CHCHD3: variants seen among roughly 807,000 people sequenced by gnomAD.
CHCHD3 encodes MICOS complex subunit MIC19.
A neutral mutation model predicts 38.2 loss-of-function variants in CHCHD3; 20 were observed. The ratio of observed to expected loss-of-function variants is 0.52; its 90% CI spans 0.37 to 0.76. The LOEUF (loss-of-function observed/expected upper bound fraction) is 0.76, where lower values mean the gene tolerates loss of function less well. Ranked by LOEUF, CHCHD3 falls within the 30% of genes least tolerant of loss-of-function variation. The pLI is 0.00. For missense variants in CHCHD3, 245 were observed against 279.2 expected, an observed-to-expected ratio of 0.88 and a Z score of 0.87; for synonymous variants, 82 against 100.0, an observed-to-expected ratio of 0.82 and a Z score of 1.07.
In CHCHD3 at chr7:132,807,343, A is replaced by T. The variant is rs190623337; in HGVS notation, c.525-10766T>A. 7.0e-4 allele frequency among the ~76,000 whole-genome samples: 107 copies of T among 152,214 alleles called. 1 individual carries two copies. The East Asian group carries it at 0.012, about 18-fold the overall frequency. Reference sequence around the variant, plus strand: ...CAGCATCTAATTTTACATATAAGGTAAGTATATCTAAGGCAGGAATATATT... The same window carrying T: ...CAGCATCTAATTTTACATATAAGGTTAGTATATCTAAGGCAGGAATATATT... On this transcript the variant is annotated intron_variant, in intron 6 of 7. Coordinates refer to ENST00000262570, the MANE Select transcript of CHCHD3 (RefSeq NM_017812.4).
rs770204054 is a variant in CHCHD3 at position 133,025,057 on chromosome 7, T to C, written c.170-430A>G. ...AATAATTAAACAACTAACAAAATCA[T>C]GTACTACAAAGAGCAAATCATTTAT... On this transcript the variant is annotated intron_variant, in intron 2 of 7. Coordinates refer to ENST00000262570, the MANE Select transcript of CHCHD3 (RefSeq NM_017812.4). Among the ~76,000 whole-genome samples, 108 of 152,322 alleles carry C rather than the reference T, an allele frequency of 7.1e-4. No individual in the cohort carries two copies. The Middle Eastern group carries it at 0.024, about 34-fold the overall frequency.
At chr7:133,006,187 C>T (rs1275590472) in intron 3 of CHCHD3, among the ~76,000 whole-genome samples, 3 of 152,048 alleles carry the variant, frequency 2.0e-5, no homozygotes, top group Non-Finnish European at 2.9e-5. Context: ...GAAAATAGGC[C>T]GGGCGCAGTG....
At chr7:132,899,223 G>A (rs1433279485) in intron 4 of CHCHD3, among the ~76,000 whole-genome samples, 1 of 152,180 alleles carries the variant, frequency 6.6e-6, no homozygotes, top group African/African-American at 2.4e-5. Context: ...GGGAAGGGTG[G>A]AGGAGAGAAG....
At chr7:132,978,795 T>C (rs1811841397) in intron 3 of CHCHD3, among the ~76,000 whole-genome samples, 1 of 152,192 alleles carries the variant, frequency 6.6e-6, no homozygotes, top group Non-Finnish European at 1.5e-5. Context: ...GACACCTGGA[T>C]TGAAAGAGGA....
At chr7:133,008,203 T>C (rs1349214808) in intron 3 of CHCHD3, among the ~76,000 whole-genome samples, 1 of 152,158 alleles carries the variant, frequency 6.6e-6, no homozygotes, top group African/African-American at 2.4e-5. Context: ...ATTTCTGTCT[T>C]TGAAATTACA....
At position 133,081,876 on chromosome 7, in the gene CHCHD3, G is replaced by A. The variant is rs904523539; in HGVS notation, c.62C>T (p.Thr21Ile). 5 of 1,556,262 alleles carry A rather than the reference G, an allele frequency of 3.2e-6. No homozygotes were observed. The African/African-American group carries it at 6.8e-5, about 21-fold the overall frequency. The change falls in exon 1 of 8, where the codon ACC becomes ATC. Residue 21 changes from threonine (T) to isoleucine (I), a missense_variant. Transcript: ENST00000262570. ...TFEADENENI[T>I]VVKGIRLSEN... ...ACTCACCCGGATGCCCTTCACCACG[G>A]TGATGTTCTCATTCTCGTCCGCCTC...
intron 6 of CHCHD3, among the ~76,000 whole-genome samples, chr7:132,805,086 G>A (rs1260563188): frequency 6.6e-6 from 1 of 152,244 alleles, no homozygotes; most frequent in African/African-American, 2.4e-5. Context: ...GTGGACATCA[G>A]AGCTGTGCCA....
chr7:133,014,148 T>C (rs1405528469), intron 3 of CHCHD3, among the ~76,000 whole-genome samples: 1 of 152,134 alleles, frequency 6.6e-6, no homozygotes, highest in Non-Finnish European at 1.5e-5. Flanking sequence ...GATTTTTGTT[T>C]TAATCTAAAT....
chr7:132,976,936 T>TA (rs374595094), intron 3 of CHCHD3, among the ~76,000 whole-genome samples: 194 of 150,612 alleles, frequency 1.3e-3, no homozygotes, highest in East Asian at 3.9e-3. Context: ...GTGTCTTAAA[T>TA]AAAAAAAAAG....
intron 6 of CHCHD3, among the ~76,000 whole-genome samples, chr7:132,834,653 T>TA (rs1164352958): frequency 6.6e-6 from 1 of 152,166 alleles, no homozygotes; most frequent in African/African-American, 2.4e-5. Context: ...AGGGCAATGA[T>TA]ACAGAAAATC....
chr7:132,922,524 C>T (rs1348444235), intron 4 of CHCHD3, among the ~76,000 whole-genome samples: 2 of 151,922 alleles, frequency 1.3e-5, no homozygotes, highest in Non-Finnish European at 2.9e-5. Flanking sequence ...TAAAAGAGGC[C>T]TCAATATTAT....
At chr7:132,787,003 G>A (rs1040004202) in intron 7 of CHCHD3, among the ~76,000 whole-genome samples, 1 of 152,182 alleles carries the variant, frequency 6.6e-6, no homozygotes, top group Non-Finnish European at 1.5e-5. Context: ...AGCAGGGAAG[G>A]CTTCTCCAAG....
intron 4 of CHCHD3, among the ~76,000 whole-genome samples, chr7:132,904,264 GAA>G (rs773936483): frequency 7.3e-6 from 1 of 136,562 alleles, no homozygotes. Context: ...TTTGTGTCTA[GAA>G]AAAAAAAAAA....
At chr7:132,879,818 G>A (rs554074736) in intron 5 of CHCHD3, among the ~76,000 whole-genome samples, 48 of 149,208 alleles carry the variant, frequency 3.2e-4, no homozygotes, top group African/African-American at 1.1e-3. Context: ...GTATGAGCAA[G>A]TGAATGAAGA....
chr7:132,869,034 C>A (rs914856298), intron 5 of CHCHD3, among the ~76,000 whole-genome samples: 3 of 152,128 alleles, frequency 2.0e-5, no homozygotes, highest in Admixed American at 1.3e-4. Flanking sequence ...AAATGCATCA[C>A]GAAAAAGCAA....
At chr7:132,840,677 T>C (rs1250410008) in intron 5 of CHCHD3, among the ~76,000 whole-genome samples, 3 of 152,146 alleles carry the variant, frequency 2.0e-5, no homozygotes, top group Non-Finnish European at 2.9e-5. Flanking sequence ...ACAGAGTACA[T>C]CAACATCTCA....
chr7:132,864,720 T>C (rs1019436201), intron 5 of CHCHD3, among the ~76,000 whole-genome samples: 1 of 152,168 alleles, frequency 6.6e-6, no homozygotes, highest in Non-Finnish European at 1.5e-5. Flanking sequence ...TGGATACTTG[T>C]TGAGGAACCA....
chr7:132,884,485 C>A (rs76917380), intron 5 of CHCHD3, among the ~76,000 whole-genome samples: 4,685 of 152,206 alleles, frequency 0.031, 260 homozygotes, highest in African/African-American at 0.11. Context: ...ATATCTGCTA[C>A]ATGAATGAGA....
At chr7:132,960,640 C>T (rs867977437) in intron 4 of CHCHD3, among the ~76,000 whole-genome samples, 13 of 152,042 alleles carry the variant, frequency 8.6e-5, no homozygotes, top group Admixed American at 2.0e-4. Context: ...AGAAAAACAA[C>T]GTCAGAAATT....
Sources: allele counts gnomAD v4.1 joint callset (sites outside exome capture counted in the v4.1 genomes callset), GRCh38; gene constraint gnomAD v4.1.1; transcripts MANE v1.5; gene names NCBI Gene and HGNC (gene_info 2026-07-23, HGNC 2026-07-21).